The following TET1 variants were observed in gnomAD, a reference collection of about 807,000 sequenced individuals.
TET1 encodes the protein methylcytosine dioxygenase TET1.
Under a neutral mutation model 148.7 loss-of-function variants are expected in TET1, and 13 were observed. That is an observed-to-expected ratio of 0.09 (90% CI 0.06 to 0.14). The LOEUF is 0.14. Ranked by LOEUF, TET1 falls within the 10% of genes least tolerant of loss-of-function variation. The probability of loss-of-function intolerance (pLI) is 1.00; values close to 1 mark genes in which losing one functional copy is unlikely to be tolerated. For missense variants in TET1, 2,182 were observed against 2,553.8 expected (o/e 0.85, Z 3.14); for synonymous variants, 907 against 937.2 (o/e 0.97, Z 0.59).
In TET1 at chr10:68,645,202, T is replaced by C; in HGVS notation, c.2473T>C (p.Phe825Leu). The C allele has an allele frequency of 6.2e-7, 1 of 1,614,160 alleles. No homozygotes were observed. Among genetic ancestry groups the C allele is most frequent in the Non-Finnish European group, 8.5e-7 (1 of 1,180,006 alleles). ...HLKGRSNVLV[F>L]QQPGFNCSSI... is the part of the protein sequence containing the mutation. ...CAAGGGGAGAAGTAACGTTTTAGTA[T>C]TCCAGCAGCCTGGCTTTAACTGCAG... The change falls in exon 4 of 12, where the codon TTC becomes CTC. Residue 825 changes from phenylalanine (F) to leucine (L), a missense_variant. By Grantham distance (22) the Phe-to-Leu change is conservative. Around this residue, in one of 11 missense-constraint regions of TET1, gnomAD observed 226 missense variants for 307.4 expected, o/e 0.74. Transcript: ENST00000373644.
At position 68,573,803 on chromosome 10, in the gene TET1, C is replaced by T. The variant is rs762889327; in HGVS notation, c.1465C>T (p.Pro489Ser). 1 of 1,614,062 alleles carries T rather than the reference C, an allele frequency of 6.2e-7. No individual in the cohort carries two copies. Among genetic ancestry groups the T allele is most frequent in the Non-Finnish European group, 8.5e-7 (1 of 1,180,036 alleles). The change falls in exon 2 of 12, where the codon CCT (proline) becomes TCT (serine). Residue 489 changes from proline (P) to serine (S), a missense_variant. Coordinates refer to ENST00000373644, the MANE Select transcript of TET1 (RefSeq NM_030625.3). ...SSSNSEKNSL[P>S]PVMAISNVEN... The stretch of plus-strand genomic sequence containing the variant: ...ATCAAACTCAGAGAAAAATTCATTA[C>T]CTCCAGTAATGGCTATAAGCAATGT...
intron 2 of TET1, among the ~76,000 whole-genome samples, chr10:68,590,698 G>GATC (rs956956350): frequency 6.6e-6 from 1 of 152,068 alleles, no homozygotes. Flanking sequence ...GAGGTGGAAG[G>GATC]ATCACTTGAG....
At chr10:68,631,029 T>C (rs2054561473) in intron 3 of TET1, among the ~76,000 whole-genome samples, 1 of 151,582 alleles carries the variant, frequency 6.6e-6, no homozygotes, top group Non-Finnish European at 1.5e-5. Context: ...ATTTTAAAAT[T>C]AGCCAGGCAT....
chr10:68,654,467 A>G (rs1273759992), intron 6 of TET1, among the ~76,000 whole-genome samples: 1 of 151,956 alleles, frequency 6.6e-6, no homozygotes, highest in African/African-American at 2.4e-5. Flanking sequence ...AATAGAAAAA[A>G]TTAGCCGGGC....
chr10:68,649,422 C>T lies in TET1; in HGVS notation c.4276+2417C>T, dbSNP rs541543181. On this transcript the variant is annotated intron_variant, in intron 4 of 11. Coordinates refer to ENST00000373644, the MANE Select transcript of TET1 (RefSeq NM_030625.3). Reference sequence around the variant, plus strand: ...GGAGATGAGACCATCCTGGCTAACACGGTGAAACCCCGTCTCTACTAAAAA... The same window carrying T: ...GGAGATGAGACCATCCTGGCTAACATGGTGAAACCCCGTCTCTACTAAAAA... 3.9e-5 allele frequency among the ~76,000 whole-genome samples: 6 copies of T among 152,116 alleles called. No individual in the cohort carries two copies. The South Asian group carries it at 8.3e-4, about 21-fold the overall frequency.
At chr10:68,600,860 C>T (rs1166449572) in intron 2 of TET1, 121 bp from the exon 3 acceptor site, 1 of 768,698 alleles carries the variant, frequency 1.3e-6, no homozygotes, top group Admixed American at 2.6e-5. Flanking sequence ...GCCTAGCAAA[C>T]ATGTTGATGA....
At chr10:68,659,446 G>A (rs964193942) in intron 6 of TET1, among the ~76,000 whole-genome samples, 5 of 152,034 alleles carry the variant, frequency 3.3e-5, no homozygotes, top group African/African-American at 9.7e-5. Flanking sequence ...AGCCTCTCGA[G>A]TAGCTGGGAT....
intron 3 of TET1, among the ~76,000 whole-genome samples, chr10:68,624,654 T>TTC (rs2054438386): frequency 5.1e-5 from 3 of 58,406 alleles, no homozygotes; most frequent in African/African-American, 1.0e-4. Flanking sequence ...CTTTCTTTCT[T>TTC]TCTTTCTCTC....
At chr10:68,594,433 C>A (rs190072898) in intron 2 of TET1, among the ~76,000 whole-genome samples, 24 of 152,252 alleles carry the variant, frequency 1.6e-4, no homozygotes, top group African/African-American at 5.1e-4. Context: ...GAAGAGCCAT[C>A]AAGGAACAGC....
At chr10:68,586,313 G>A (rs953298072) in intron 2 of TET1, among the ~76,000 whole-genome samples, 3 of 152,058 alleles carry the variant, frequency 2.0e-5, no homozygotes, top group African/African-American at 7.2e-5. Flanking sequence ...TCATAGCTGG[G>A]ATTACAGGCG....
chr10:68,608,367 C>G (rs960594380), intron 3 of TET1, among the ~76,000 whole-genome samples: 4 of 152,052 alleles, frequency 2.6e-5, no homozygotes, highest in African/African-American at 9.7e-5. Context: ...TCCCGAGTAA[C>G]TGGGATTACA....
chr10:68,615,356 C>CTTTTTCTTTTTT (rs1554936334), intron 3 of TET1, among the ~76,000 whole-genome samples: 8 of 145,280 alleles, frequency 5.5e-5, no homozygotes, highest in Admixed American at 1.4e-4. Context: ...CTTTTCTTTT[C>CTTTTTCTTTTTT]TTTTTTTGAG....
Position 68,691,309 on chromosome 10 carries a change from C to T in TET1, c.5906C>T (p.Pro1969Leu), listed in dbSNP as rs2055590201. ...GAGCAGCATTCTGAAGCAGATGAGC[C>T]TCCATCAGACGAACCCCTATCTGAT... is the stretch of plus-strand genomic sequence containing the variant. The part of the protein sequence containing the change: ...EDEQHSEADE[P>L]PSDEPLSDDP... Residue 1969 changes from proline (P) to leucine (L), a missense_variant, in exon 12 of 12, where the codon CCT (proline) becomes CTT (leucine). By Grantham distance (98) the Pro-to-Leu change is moderately conservative. This residue lies in a region of TET1 where 380 missense variants were observed against 387.9 expected (regional missense o/e 0.98). Transcript: ENST00000373644. The surrounding 1 kb of genome is among the most constrained non-coding windows in gnomAD (Gnocchi z 4.4). The T allele has an allele frequency of 1.9e-6, 3 of 1,614,188 alleles. No homozygotes were observed. The highest frequency in any genetic ancestry group is 2.5e-6 in the Non-Finnish European group (3 of 1,180,046).
intron 8 of TET1, among the ~76,000 whole-genome samples, chr10:68,677,629 A>G (rs1227825317): frequency 6.6e-6 from 1 of 152,198 alleles, no homozygotes; most frequent in African/African-American, 2.4e-5. Context: ...AGCTGGGATT[A>G]CAGGCATGTG....
chr10:68,646,622 C>T lies in TET1; in HGVS notation c.3893C>T (p.Pro1298Leu). Residue 1298 changes from proline to leucine, a missense_variant, in exon 4 of 12, where the codon CCT (proline) becomes CTT (leucine). Coordinates refer to ENST00000373644, the MANE Select transcript of TET1 (RefSeq NM_030625.3). ...GTGAATGCCAATCAGAAAGCCCATC[C>T]TTTGACCCAGCCCTCCTCTCCACCT... ...LTVNANQKAH[P>L]LTQPSSPPNQ... 1 of 1,614,172 alleles carries T rather than the reference C, an allele frequency of 6.2e-7. No homozygotes were observed. Among genetic ancestry groups the T allele is most frequent in the Non-Finnish European group, 8.5e-7 (1 of 1,180,034 alleles).
At position 68,691,039 on chromosome 10, in the gene TET1, C is replaced by T. The variant is rs201665550; in HGVS notation, c.5636C>T (p.Pro1879Leu). ...SCGFSERSST[P>L]HCTMPSGRLS... ...GGGTTTTCAGAAAGAAGCAGCACTCCCCACTGTACGATGCCTTCGGGAAGA... is the reference window on the plus strand; with the variant it reads ...GGGTTTTCAGAAAGAAGCAGCACTCTCCACTGTACGATGCCTTCGGGAAGA... Residue 1879 changes from proline to leucine, a missense_variant, in exon 12 of 12, where the codon CCC becomes CTC. Physicochemically the swap from Pro to Leu is moderately conservative, Grantham distance 98. This residue lies in a region of TET1 where 380 missense variants were observed against 387.9 expected (regional missense o/e 0.98). Transcript: ENST00000373644. This position sits in a 1 kb window ranked among gnomAD's most constrained non-coding sequence, Gnocchi z 4.4. 8 of 1,614,144 alleles carry T rather than the reference C, an allele frequency of 5.0e-6. No individual in the cohort carries two copies. The highest frequency in any genetic ancestry group is 1.7e-5 in the Admixed American group (1 of 60,020).
intron 3 of TET1, among the ~76,000 whole-genome samples, chr10:68,628,113 A>T (rs2133011566): frequency 6.6e-6 from 1 of 152,022 alleles, no homozygotes; most frequent in Non-Finnish European, 1.5e-5. Context: ...CGCCCAGCTA[A>T]TTTTTTGTAT....
intron 2 of TET1, among the ~76,000 whole-genome samples, chr10:68,574,611 G>A (rs2053707553): frequency 6.6e-6 from 1 of 152,012 alleles, no homozygotes; most frequent in Non-Finnish European, 1.5e-5. Flanking sequence ...TGTCTTTTTT[G>A]GCAGTCACAG....
chr10:68,644,981 T>G lies in TET1; in HGVS notation c.2252T>G (p.Leu751Trp). 6.2e-7 allele frequency: 1 copy of G among 1,613,662 alleles called. No homozygotes were observed. ...AAGAAACGAACCAAATCTCCAAAATTGTTTGTACAAACCGTAAGAAATGGC... is the reference window on the plus strand; with the variant it reads ...AAGAAACGAACCAAATCTCCAAAATGGTTTGTACAAACCGTAAGAAATGGC... ...VDKKRTKSPKLFVQTVRNGIK... is the reference protein window; with the variant it reads ...VDKKRTKSPKWFVQTVRNGIK... Residue 751 changes from leucine to tryptophan, a missense_variant, in exon 4 of 12, where the codon TTG becomes TGG. Leu to Trp is a moderately conservative substitution (Grantham distance 61). This residue lies in a region of TET1 where 226 missense variants were observed against 307.4 expected (regional missense o/e 0.74). Transcript: ENST00000373644.
Sources: gnomAD v4.1 joint callset for allele counts (sites outside exome capture counted in the v4.1 genomes callset) on GRCh38, gnomAD v4.1.1 for gene constraint, gnomAD v4.1.1 regional missense constraint, Gnocchi (gnomAD v3.1) non-coding constraint, MANE v1.5 for transcripts, NCBI Gene and HGNC (gene_info 2026-07-23, HGNC 2026-07-21) for gene names.